The following FBXL13 variants were observed in gnomAD, a reference collection of about 807,000 sequenced individuals.
The protein encoded by FBXL13 is F-box and leucine-rich repeat protein 13.
FBXL13 carries 67 observed loss-of-function variants against 83.6 expected under a neutral mutation model. The ratio of observed to expected loss-of-function variants is 0.80; its 90% CI spans 0.66 to 0.98. The LOEUF (loss-of-function observed/expected upper bound fraction) is 0.98. FBXL13 is among the 50% of genes least tolerant of loss of function. The probability of loss-of-function intolerance (pLI) is 0.00; values close to 1 mark genes in which losing one functional copy is unlikely to be tolerated. For synonymous variants in FBXL13, 272 were observed against 299.5 expected (o/e 0.91, Z 0.95); for missense variants, 822 against 866.5 (o/e 0.95, Z 0.64).
chr7:102,840,575 T>C (rs1186192341), intron 17 of FBXL13, among the ~76,000 whole-genome samples: 2 of 152,238 alleles, frequency 1.3e-5, no homozygotes, highest in African/African-American at 4.8e-5. Flanking sequence ...TAATGTTTAC[T>C]GTAAGGACAG....
chr7:103,053,126 T>G (rs1796995636), intron 2 of FBXL13, among the ~76,000 whole-genome samples: 1 of 151,776 alleles, frequency 6.6e-6, no homozygotes, highest in Admixed American at 6.6e-5. Context: ...CTCTACAGGT[T>G]TTTTGTTTGT....
chr7:103,065,787 G>T, intron 1 of FBXL13, among the ~76,000 whole-genome samples: 1 of 152,228 alleles, frequency 6.6e-6, no homozygotes, highest in East Asian at 1.9e-4. Context: ...CTGAGACAGA[G>T]ATAGTTCTCA....
At chr7:102,869,369 A>G in intron 16 of FBXL13, among the ~76,000 whole-genome samples, 1 of 152,062 alleles carries the variant, frequency 6.6e-6, no homozygotes, top group East Asian at 1.9e-4. Flanking sequence ...TATACTCTGG[A>G]TATTGAACCC....
At chr7:102,906,956 TTTTG>T (rs1285094461) in intron 11 of FBXL13, among the ~76,000 whole-genome samples, 5 of 152,010 alleles carry the variant, frequency 3.3e-5, no homozygotes, top group Admixed American at 1.3e-4. Context: ...ATTGGGTTTT[TTTTG>T]TTTGTTTGTT....
At chr7:102,847,517 AT>A (rs908697401) in intron 17 of FBXL13, among the ~76,000 whole-genome samples, 1 of 151,298 alleles carries the variant, frequency 6.6e-6, no homozygotes, top group Non-Finnish European at 1.5e-5. Flanking sequence ...TTAACACTCA[AT>A]TTTTTTTTCT....
chr7:102,998,191 T>A (rs917515358), intron 6 of FBXL13, among the ~76,000 whole-genome samples: 2 of 152,234 alleles, frequency 1.3e-5, no homozygotes, highest in African/African-American at 4.8e-5. Flanking sequence ...TGAATGTCAT[T>A]TTTTGAGAAA....
chr7:103,039,882 G>A (rs959947067), intron 2 of FBXL13, among the ~76,000 whole-genome samples: 2 of 152,042 alleles, frequency 1.3e-5, no homozygotes, highest in African/African-American at 4.8e-5. Flanking sequence ...ATTCCAAATG[G>A]TAAAGACCAT....
chr7:102,859,746 C>A (rs765261327), intron 16 of FBXL13, among the ~76,000 whole-genome samples: 1 of 152,166 alleles, frequency 6.6e-6, no homozygotes, highest in African/African-American at 2.4e-5. Flanking sequence ...CATCCTTGGT[C>A]TCCCTCATAA....
intron 2 of FBXL13, among the ~76,000 whole-genome samples, chr7:103,033,735 T>C (rs991897932): frequency 2.4e-4 from 37 of 152,080 alleles, no homozygotes; most frequent in African/African-American, 8.2e-4. Context: ...GCAAGATTTA[T>C]TGCAAAGAAT....
intron 8 of FBXL13, among the ~76,000 whole-genome samples, chr7:102,951,401 A>AAATAAATAAATAAAT (rs1199748389): frequency 6.6e-6 from 1 of 150,550 alleles, no homozygotes; most frequent in Non-Finnish European, 1.5e-5. Context: ...ATAAATAAAT[A>AAATAAATAAATAAAT]AAAGTTAATT....
intron 13 of FBXL13, 30 bp downstream of exon 14, chr7:102,883,538 A>G: frequency 6.3e-7 from 1 of 1,587,270 alleles, no homozygotes; most frequent in Non-Finnish European, 8.6e-7. Context: ...GTAAACAATA[A>G]TGCTGAACCA....
intron 11 of FBXL13, among the ~76,000 whole-genome samples, chr7:102,905,685 T>G (rs1813642690): frequency 6.6e-6 from 1 of 152,152 alleles, no homozygotes; most frequent in South Asian, 2.1e-4. Context: ...TTTTGTGGTC[T>G]TTTTCTTCTT....
At chr7:103,062,077 T>C (rs1041871352) in intron 1 of FBXL13, among the ~76,000 whole-genome samples, 6 of 150,180 alleles carry the variant, frequency 4.0e-5, no homozygotes, top group African/African-American at 1.2e-4. Flanking sequence ...AATTTGTAGA[T>C]TAAGTACTCC....
intron 16 of FBXL13, among the ~76,000 whole-genome samples, chr7:102,868,731 T>C (rs959059491): frequency 2.0e-5 from 3 of 152,200 alleles, no homozygotes; most frequent in Non-Finnish European, 2.9e-5. Context: ...GCAGTGGCAC[T>C]ATCTGGGCTC....
intron 6 of FBXL13, among the ~76,000 whole-genome samples, chr7:102,984,805 AT>A (rs1281695250): frequency 2.0e-5 from 3 of 152,276 alleles, no homozygotes; most frequent in African/African-American, 7.2e-5. Context: ...ACTGCATACC[AT>A]TTTCTAGTTC....
At chr7:102,970,698 AG>A (rs375501624) in intron 6 of FBXL13, among the ~76,000 whole-genome samples, 4 of 152,226 alleles carry the variant, frequency 2.6e-5, no homozygotes, top group African/African-American at 7.2e-5. Context: ...AGACATAAAA[AG>A]AAAAATAAAA....
rs192632474 is a variant in FBXL13 at position 102,906,618 on chromosome 7, C to G, written c.1008+6468G>C. Among the ~76,000 whole-genome samples the G allele has an allele frequency of 3.3e-5, 5 of 152,284 alleles. No homozygotes were observed. The East Asian group carries it at 9.6e-4, about 29-fold the overall frequency. The stretch of plus-strand genomic sequence containing the variant: ...TTGAAGGATATTTTTACCAGACATA[C>G]TATTCTAGGGTAAAAGTTTTTTTCC... On this transcript the variant is annotated intron_variant, in intron 11 of 19. Coordinates refer to ENST00000313221, the Ensembl canonical transcript of FBXL13.
At chr7:102,999,451 C>T (rs1165702389) in intron 6 of FBXL13, among the ~76,000 whole-genome samples, 3 of 152,058 alleles carry the variant, frequency 2.0e-5, no homozygotes, top group Non-Finnish European at 2.9e-5. Context: ...GAAAATATTC[C>T]CTCCTCTTCA....
chr7:103,064,612 A>G (rs1798223881), intron 1 of FBXL13, among the ~76,000 whole-genome samples: 1 of 152,160 alleles, frequency 6.6e-6, no homozygotes, highest in African/African-American at 2.4e-5. Context: ...ATGGCAGATT[A>G]TATTTTCCAC....
Sources: allele counts gnomAD v4.1 joint callset (sites outside exome capture counted in the v4.1 genomes callset), GRCh38; gene constraint gnomAD v4.1.1; transcripts MANE v1.5; gene names NCBI Gene and HGNC (gene_info 2026-07-23, HGNC 2026-07-21).